Variants in PARD3 observed in about 807,000 individuals in gnomAD.
PARD3 encodes the protein partitioning defective 3 homolog.
PARD3 carries 75 observed loss-of-function variants against 155.4 expected under a neutral mutation model. The ratio of observed to expected loss-of-function variants is 0.48; its 90% CI spans 0.40 to 0.58. The LOEUF (loss-of-function observed/expected upper bound fraction) is 0.58, where lower values mean the gene tolerates loss of function less well. PARD3 is among the 20% of genes least tolerant of loss of function. The pLI is 0.00. For missense variants in PARD3, 1,642 were observed against 1,721.7 expected (o/e 0.95, Z 0.82); for synonymous variants, 576 against 610.5 (o/e 0.94, Z 0.83).
At chr10:34,419,179 T>A (rs113354692) in intron 5 of PARD3, among the ~76,000 whole-genome samples, 1 of 152,108 alleles carries the variant, frequency 6.6e-6, no homozygotes, top group Non-Finnish European at 1.5e-5. Context: ...AAATTATAAA[T>A]AAGAGCAAAG....
At chr10:34,461,364 G>T (rs1319575617) in intron 4 of PARD3, among the ~76,000 whole-genome samples, 1 of 152,172 alleles carries the variant, frequency 6.6e-6, no homozygotes, top group Non-Finnish European at 1.5e-5. Context: ...CAGCACTTTG[G>T]GAGGCCGAGG....
intron 2 of PARD3, among the ~76,000 whole-genome samples, chr10:34,683,040 T>C (rs2093874881): frequency 4.6e-5 from 7 of 152,216 alleles, no homozygotes; most frequent in Admixed American, 4.6e-4. Context: ...ATGTGAATTC[T>C]AAGGCTTAAT....
chr10:34,502,973 A>G (rs547692924), intron 3 of PARD3, among the ~76,000 whole-genome samples: 39 of 152,112 alleles, frequency 2.6e-4, no homozygotes, highest in Non-Finnish European at 5.0e-4. Flanking sequence ...TGGATCACAG[A>G]CCCATACTCA....
intron 2 of PARD3, among the ~76,000 whole-genome samples, chr10:34,558,530 C>T (rs2085196556): frequency 1.3e-5 from 2 of 152,176 alleles, no homozygotes; most frequent in African/African-American, 4.8e-5. Context: ...CTGCAAGAGG[C>T]TGAAGCTATA....
rs1390860659 is a variant in PARD3 at position 34,703,997 on chromosome 10, T to C, written c.121-7578A>G. Reference sequence around the variant, plus strand: ...ACAAAATAAGGCAATAAACCATGAATGAGAATGACACAGCATATGAAAACA... The same window carrying C: ...ACAAAATAAGGCAATAAACCATGAACGAGAATGACACAGCATATGAAAACA... On this transcript the variant is annotated intron_variant, in intron 1 of 24. Transcript: ENST00000374788. 2.6e-5 allele frequency among the ~76,000 whole-genome samples: 4 copies of C among 152,230 alleles called. No homozygotes were observed. The East Asian group carries it at 7.7e-4, about 29-fold the overall frequency.
intron 2 of PARD3, among the ~76,000 whole-genome samples, chr10:34,547,768 A>G (rs542774023): frequency 6.6e-6 from 1 of 152,362 alleles, no homozygotes; most frequent in African/African-American, 2.4e-5. Context: ...AGATGGAAAA[A>G]AGAAAAAAAC....
chr10:34,658,407 G>C (rs1202494604), intron 2 of PARD3, among the ~76,000 whole-genome samples: 2 of 152,100 alleles, frequency 1.3e-5, no homozygotes, highest in Non-Finnish European at 2.9e-5. Flanking sequence ...AGGGTAAACA[G>C]GTAACTGCAG....
intron 5 of PARD3, among the ~76,000 whole-genome samples, chr10:34,412,270 C>T (rs1396798860): frequency 6.6e-6 from 1 of 152,072 alleles, no homozygotes; most frequent in Non-Finnish European, 1.5e-5. Context: ...CCAAACTAGC[C>T]ATTAATCCCG....
chr10:34,469,815 T>G (rs930581490), intron 4 of PARD3, among the ~76,000 whole-genome samples: 5 of 152,198 alleles, frequency 3.3e-5, no homozygotes, highest in African/African-American at 1.2e-4. Flanking sequence ...AATGTTTTCA[T>G]TTTTAACGAT....
chr10:34,660,613 G>A (rs1010700379), intron 2 of PARD3, among the ~76,000 whole-genome samples: 41 of 152,178 alleles, frequency 2.7e-4, no homozygotes, highest in African/African-American at 9.2e-4. Context: ...ATGCATTTCA[G>A]AATAAAGTGT....
intron 1 of PARD3, among the ~76,000 whole-genome samples, chr10:34,712,873 A>G (rs1235022659): frequency 6.6e-6 from 1 of 152,138 alleles, no homozygotes; most frequent in East Asian, 1.9e-4. Flanking sequence ...GCATCATGCA[A>G]TATACCCATT....
chr10:34,145,189 G>GTATATATA (rs575139416), intron 22 of PARD3, among the ~76,000 whole-genome samples: 9 of 49,612 alleles, frequency 1.8e-4, no homozygotes, highest in African/African-American at 6.5e-4. Flanking sequence ...GTGTGTGTGT[G>GTATATATA]TATATATATA....
rs1202052380 is a variant in PARD3 at position 34,814,944 on chromosome 10, C to A, written c.52G>T (p.Asp18Tyr). ...GRTRVVVPCG[D>Y]GHMKVFSLIQ... ...AGGCTGAAAACTTTCATGTGGCCGT[C>A]CCCGCACGGCACGACCACCCGGGTC... The change falls in exon 1 of 25, where the codon GAC becomes TAC. Residue 18 changes from aspartate (D) to tyrosine (Y), a missense_variant. By Grantham distance (160) the Asp-to-Tyr change is radical. Coordinates refer to ENST00000374788, the MANE Select transcript of PARD3 (RefSeq NM_001184785.2). 6.4e-7 allele frequency: 1 copy of A among 1,565,860 alleles called. No homozygotes were observed. The highest frequency in any genetic ancestry group is 1.8e-5 in the Admixed American group (1 of 55,960).
intron 2 of PARD3, among the ~76,000 whole-genome samples, chr10:34,691,020 C>G (rs745318660): frequency 2.0e-5 from 3 of 152,090 alleles, no homozygotes; most frequent in Admixed American, 6.6e-5. Flanking sequence ...TGAGACAAGC[C>G]TTGGCAACAC....
chr10:34,246,864 G>A (rs750903444), intron 22 of PARD3, among the ~76,000 whole-genome samples: 4 of 152,132 alleles, frequency 2.6e-5, no homozygotes, highest in Middle Eastern at 3.2e-3. Context: ...CGATTAAAAG[G>A]TAATTTAAAT....
chr10:34,543,493 T>C (rs2083805025), intron 2 of PARD3, among the ~76,000 whole-genome samples: 1 of 152,324 alleles, frequency 6.6e-6, no homozygotes, highest in South Asian at 2.1e-4. Flanking sequence ...AAGTTCTTGT[T>C]GAACTTTTCT....
intron 2 of PARD3, among the ~76,000 whole-genome samples, chr10:34,528,322 T>C (rs556380241): frequency 6.6e-6 from 1 of 152,324 alleles, no homozygotes; most frequent in African/African-American, 2.4e-5. Flanking sequence ...TGCCTTCATT[T>C]GCTTCCCAAG....
chr10:34,649,107 G>A (rs894711464), intron 2 of PARD3, among the ~76,000 whole-genome samples: 2 of 152,266 alleles, frequency 1.3e-5, no homozygotes, highest in Non-Finnish European at 2.9e-5. Flanking sequence ...GGCATGACAT[G>A]AGCATACAGA....
chr10:34,183,224 T>A (rs1369432245), intron 22 of PARD3, among the ~76,000 whole-genome samples: 1 of 152,240 alleles, frequency 6.6e-6, no homozygotes, highest in Non-Finnish European at 1.5e-5. Context: ...TCTAGTATGA[T>A]CCAGCTGCTG....
Sources: allele counts gnomAD v4.1 joint callset (sites outside exome capture counted in the v4.1 genomes callset), GRCh38; gene constraint gnomAD v4.1.1; transcripts MANE v1.5; gene names NCBI Gene and HGNC (gene_info 2026-07-23, HGNC 2026-07-21).